The following DENND1A variants were observed in gnomAD, a reference collection of about 807,000 sequenced individuals.
DENND1A encodes the protein DENN domain-containing protein 1A.
In DENND1A, 51 loss-of-function variants were observed where a neutral mutation model predicts 113.7. The ratio of observed to expected loss-of-function variants is 0.45; its 90% CI spans 0.36 to 0.57. The LOEUF is 0.57. Ranked by LOEUF, DENND1A falls within the 20% of genes least tolerant of loss-of-function variation. The pLI is 0.00. For missense variants in DENND1A, 1,258 were observed against 1,395.9 expected, an observed-to-expected ratio of 0.90 and a Z score of 1.57; for synonymous variants, 565 against 570.8, an observed-to-expected ratio of 0.99 and a Z score of 0.14.
At chr9:123,708,460 A>G (rs1016148700) in intron 5 of DENND1A, among the ~76,000 whole-genome samples, 1 of 152,240 alleles carries the variant, frequency 6.6e-6, no homozygotes, top group East Asian at 1.9e-4. Flanking sequence ...CTTGCACAAT[A>G]TTTTTGGAAG....
At chr9:123,661,400 C>T (rs2139697662) in intron 8 of DENND1A, among the ~76,000 whole-genome samples, 1 of 152,272 alleles carries the variant, frequency 6.6e-6, no homozygotes, top group Non-Finnish European at 1.5e-5. Flanking sequence ...GAGTACTAAA[C>T]GAAGGTATAC....
At chr9:123,776,532 ATGTGTACTTCTG>A (rs1338330816) in intron 3 of DENND1A, among the ~76,000 whole-genome samples, 7 of 152,308 alleles carry the variant, frequency 4.6e-5, no homozygotes, top group Non-Finnish European at 1.0e-4. Context: ...ATAGATTCAA[ATGTGTACTTCTG>A]ATAACATTTT....
intron 1 of DENND1A, among the ~76,000 whole-genome samples, chr9:123,901,033 T>C (rs1223394524): frequency 6.6e-6 from 1 of 152,244 alleles, no homozygotes; most frequent in Admixed American, 6.5e-5. Flanking sequence ...ATTTTTATAC[T>C]AACAGACAGA....
intron 6 of DENND1A, among the ~76,000 whole-genome samples, chr9:123,673,576 C>A (rs1274578047): frequency 6.6e-6 from 1 of 152,180 alleles, no homozygotes; most frequent in Non-Finnish European, 1.5e-5. Context: ...TATTTAGAAA[C>A]CAAGATCTGG....
chr9:123,636,578 A>C (rs574385413), intron 9 of DENND1A, among the ~76,000 whole-genome samples: 2 of 151,502 alleles, frequency 1.3e-5, no homozygotes, highest in African/African-American at 4.9e-5. Context: ...CGGCCTCCCA[A>C]ATATTCCTCT....
At chr9:123,905,216 A>G (rs926498906) in intron 1 of DENND1A, among the ~76,000 whole-genome samples, 13 of 152,170 alleles carry the variant, frequency 8.5e-5, no homozygotes, top group Non-Finnish European at 1.6e-4. Context: ...AGTGCTAAAC[A>G]TGGAAAGGAA....
At chr9:123,519,449 T>C (rs1232469562) in intron 13 of DENND1A, among the ~76,000 whole-genome samples, 1 of 151,752 alleles carries the variant, frequency 6.6e-6, no homozygotes, top group East Asian at 1.9e-4. Flanking sequence ...TTAAATTTTT[T>C]TTTTTTGAGG....
chr9:123,528,724 T>A (rs1167383442), intron 13 of DENND1A, among the ~76,000 whole-genome samples: 3 of 152,220 alleles, frequency 2.0e-5, no homozygotes, highest in Non-Finnish European at 2.9e-5. Context: ...TAAGTGGCTT[T>A]ACTAACCACA....
intron 13 of DENND1A, among the ~76,000 whole-genome samples, chr9:123,513,464 A>G (rs2053620908): frequency 6.6e-6 from 1 of 152,208 alleles, no homozygotes; most frequent in Non-Finnish European, 1.5e-5. Flanking sequence ...TACAGACTTG[A>G]GTGCTATCCT....
chr9:123,731,205 T>C lies in DENND1A; in HGVS notation c.302+26498A>G, dbSNP rs375968399. Among the ~76,000 whole-genome samples the C allele has an allele frequency of 3.3e-5, 5 of 152,278 alleles. No homozygotes were observed. The East Asian group carries it at 5.8e-4, about 18-fold the overall frequency. ...AACCACCATGGCACGTGTATACCTA[T>C]GTAACAAACCTGCACGTTCTGCACA... On this transcript the variant is annotated intron_variant, in intron 5 of 23. Coordinates refer to ENST00000394215, the MANE Select transcript of DENND1A (RefSeq NM_001352964.2).
At chr9:123,705,607 G>A (rs2066146087) in intron 5 of DENND1A, among the ~76,000 whole-genome samples, 1 of 152,098 alleles carries the variant, frequency 6.6e-6, no homozygotes, top group African/African-American at 2.4e-5. Context: ...AAAAAATGAA[G>A]CAAAGATATG....
intron 12 of DENND1A, among the ~76,000 whole-genome samples, chr9:123,582,874 T>A (rs2058985033): frequency 6.6e-6 from 1 of 151,832 alleles, no homozygotes; most frequent in Non-Finnish European, 1.5e-5. Context: ...AATTTTTGTA[T>A]TTTTAGTAGA....
At chr9:123,871,003 C>T (rs900385290) in intron 2 of DENND1A, among the ~76,000 whole-genome samples, 1 of 152,062 alleles carries the variant, frequency 6.6e-6, no homozygotes, top group Non-Finnish European at 1.5e-5. Flanking sequence ...CTCTCTAGAA[C>T]ATTTTAATCT....
intron 21 of DENND1A, among the ~76,000 whole-genome samples, chr9:123,394,082 C>T (rs533367405): frequency 6.6e-6 from 1 of 152,126 alleles, no homozygotes; most frequent in Admixed American, 6.5e-5. Context: ...ACCTCCGCCT[C>T]ATGTGTTCAA....
chr9:123,423,367 G>GTCC (rs1377603274), intron 19 of DENND1A, among the ~76,000 whole-genome samples: 13 of 152,272 alleles, frequency 8.5e-5, no homozygotes, highest in African/African-American at 3.1e-4. Context: ...AACCCATTAC[G>GTCC]TCCTGCAACT....
intron 13 of DENND1A, among the ~76,000 whole-genome samples, chr9:123,545,317 A>C (rs2056588974): frequency 6.6e-6 from 1 of 152,124 alleles, no homozygotes; most frequent in Non-Finnish European, 1.5e-5. Flanking sequence ...AAAATCAGTG[A>C]AGATATATAT....
chr9:123,637,338 T>C (rs963443243), intron 9 of DENND1A, among the ~76,000 whole-genome samples: 1 of 152,242 alleles, frequency 6.6e-6, no homozygotes, highest in Admixed American at 6.5e-5. Flanking sequence ...AAATGCTGTG[T>C]GTCTTGGGAA....
intron 21 of DENND1A, chr9:123,402,515 C>G (rs772745258): frequency 3.7e-6 from 2 of 534,794 alleles, no homozygotes; most frequent in South Asian, 2.8e-5. Context: ...GACATGGGGG[C>G]CTCCCCCTTT....
intron 2 of DENND1A, among the ~76,000 whole-genome samples, chr9:123,841,278 T>C (rs1409398140): frequency 6.6e-6 from 1 of 152,192 alleles, no homozygotes; most frequent in Non-Finnish European, 1.5e-5. Flanking sequence ...TTAAATACCA[T>C]GAGAATTTAG....
Sources: gnomAD v4.1 joint callset for allele counts (sites outside exome capture counted in the v4.1 genomes callset) on GRCh38, gnomAD v4.1.1 for gene constraint, MANE v1.5 for transcripts, NCBI Gene and HGNC (gene_info 2026-07-23, HGNC 2026-07-21) for gene names.